SPATA16: variants seen among roughly 807,000 people sequenced by gnomAD.
The protein encoded by SPATA16 is spermatogenesis associated 16, also known as spermatogenesis-associated protein 16.
SPATA16 carries 36 observed loss-of-function variants against 63.3 expected under a neutral mutation model. That is an observed-to-expected ratio of 0.57 (90% CI 0.44 to 0.75). The LOEUF (loss-of-function observed/expected upper bound fraction) is 0.75, where lower values mean the gene tolerates loss of function less well. Ranked by LOEUF, SPATA16 falls within the 30% of genes least tolerant of loss-of-function variation. The pLI is 0.00. For synonymous variants in SPATA16, 203 were observed against 216.7 expected (o/e 0.94, Z 0.56); for missense variants, 646 against 679.3 (o/e 0.95, Z 0.54).
At chr3:172,952,436 T>A (rs1322154966) in intron 6 of SPATA16, among the ~76,000 whole-genome samples, 1 of 152,158 alleles carries the variant, frequency 6.6e-6, no homozygotes, top group African/African-American at 2.4e-5. Flanking sequence ...GGAATCTACC[T>A]TCTTTTGTTT....
chr3:173,119,373 T>C (rs1260989794), intron 1 of SPATA16, among the ~76,000 whole-genome samples: 2 of 152,174 alleles, frequency 1.3e-5, no homozygotes, highest in Non-Finnish European at 2.9e-5. Flanking sequence ...GATTTTTAAG[T>C]AAAGGGAGAA....
chr3:172,894,124 A>G (rs1462210583), intron 10 of SPATA16, among the ~76,000 whole-genome samples: 1 of 152,140 alleles, frequency 6.6e-6, no homozygotes, highest in Non-Finnish European at 1.5e-5. Context: ...CAGACATTTC[A>G]CTCCACCACA....
chr3:172,965,304 A>G (rs547956472), intron 5 of SPATA16, among the ~76,000 whole-genome samples: 1 of 152,320 alleles, frequency 6.6e-6, no homozygotes, highest in East Asian at 1.9e-4. Context: ...CTTGTAAATG[A>G]TGTTTACAGC....
intron 10 of SPATA16, among the ~76,000 whole-genome samples, chr3:172,898,032 T>C (rs1003719805): frequency 2.6e-5 from 4 of 152,058 alleles, no homozygotes; most frequent in African/African-American, 7.2e-5. Flanking sequence ...TTTTCTTCTG[T>C]AATCTGTTTA....
At chr3:172,912,804 G>C (rs1350051941) in intron 10 of SPATA16, among the ~76,000 whole-genome samples, 2 of 151,956 alleles carry the variant, frequency 1.3e-5, no homozygotes, top group Non-Finnish European at 2.9e-5. Context: ...TTTTTAGGGA[G>C]CCAAAAGCTA....
In SPATA16 at chr3:173,067,600, T is replaced by C. The variant is rs374230696; in HGVS notation, c.613-18506A>G. Among the ~76,000 whole-genome samples the C allele has an allele frequency of 3.3e-5, 5 of 151,530 alleles. No homozygotes were observed. The South Asian group carries it at 8.4e-4, about 25-fold the overall frequency. Reference sequence around the variant, plus strand: ...CATACCCCCGAACCTAAAATGAAAGTTGGGAAAAAAAAGAAAAAAAGAAAG... The same window carrying C: ...CATACCCCCGAACCTAAAATGAAAGCTGGGAAAAAAAAGAAAAAAAGAAAG... On this transcript the variant is annotated intron_variant, in intron 2 of 10. Transcript: ENST00000351008.
intron 10 of SPATA16, among the ~76,000 whole-genome samples, chr3:172,892,739 A>G (rs1300040610): frequency 6.6e-6 from 1 of 152,200 alleles, no homozygotes; most frequent in East Asian, 1.9e-4. Flanking sequence ...AAACACAAAG[A>G]AATATGTAAG....
At chr3:173,038,008 G>A (rs1015691608) in intron 3 of SPATA16, among the ~76,000 whole-genome samples, 1 of 152,102 alleles carries the variant, frequency 6.6e-6, no homozygotes, top group Non-Finnish European at 1.5e-5. Context: ...AAGTCGAAGG[G>A]ATAGCAGAGT....
chr3:172,992,490 C>T (rs1414893754), intron 4 of SPATA16, among the ~76,000 whole-genome samples: 1 of 151,924 alleles, frequency 6.6e-6, no homozygotes, highest in Non-Finnish European at 1.5e-5. Flanking sequence ...AGAAAAAGCA[C>T]ATCCCTTAAA....
chr3:172,948,728 A>G (rs1733357279), intron 6 of SPATA16, among the ~76,000 whole-genome samples: 1 of 152,138 alleles, frequency 6.6e-6, no homozygotes, highest in Admixed American at 6.5e-5. Context: ...TCGGCTTCCA[A>G]AGTGTTGGGA....
At chr3:172,982,494 G>A (rs1414881368) in intron 4 of SPATA16, among the ~76,000 whole-genome samples, 3 of 152,126 alleles carry the variant, frequency 2.0e-5, no homozygotes, top group Non-Finnish European at 4.4e-5. Flanking sequence ...TTGCTTCCCT[G>A]CAAGGAAATG....
intron 3 of SPATA16, among the ~76,000 whole-genome samples, chr3:173,031,413 G>T (rs184670220): frequency 6.6e-6 from 1 of 150,662 alleles, no homozygotes; most frequent in Non-Finnish European, 1.5e-5. Context: ...AAAGAGGGTC[G>T]CATAGCCAGT....
chr3:173,044,187 C>A (rs1003243331), intron 3 of SPATA16, among the ~76,000 whole-genome samples: 7 of 151,990 alleles, frequency 4.6e-5, no homozygotes, highest in African/African-American at 1.4e-4. Flanking sequence ...TTTTCTCTTT[C>A]TTCTTTCTCT....
In SPATA16 at chr3:173,019,491, A is replaced by G; in HGVS notation, c.843T>C (p.Ala281=). 1.9e-6 allele frequency: 3 copies of G among 1,613,538 alleles called. No individual in the cohort carries two copies. Among genetic ancestry groups the G allele is most frequent in the Non-Finnish European group, 2.5e-6 (3 of 1,179,446 alleles). The change falls in exon 4 of 11, where the codon GCT becomes GCC. Residue 281 remains alanine (A), a synonymous_variant. Coordinates refer to ENST00000351008, the MANE Select transcript of SPATA16 (RefSeq NM_031955.6). ...VFRCLERYSE[A]ARSAMIADYM... ...AAAAGTTAAAACAAACATACCGGGCAGCCTCTGAATACCTCTCCAGACATC... is the reference window on the plus strand; with the variant it reads ...AAAAGTTAAAACAAACATACCGGGCGGCCTCTGAATACCTCTCCAGACATC...
chr3:173,137,169 C>T (rs553250336), intron 1 of SPATA16, among the ~76,000 whole-genome samples: 20 of 152,128 alleles, frequency 1.3e-4, no homozygotes, highest in Admixed American at 6.6e-5. Context: ...GGCAACACCT[C>T]CAGGTGGGAA....
chr3:173,048,877 C>T (rs1028205850), intron 3 of SPATA16, 72 bp downstream of exon 3: 1 of 1,550,804 alleles, frequency 6.4e-7, no homozygotes, highest in African/African-American at 1.4e-5. Flanking sequence ...GGAAGGTGAT[C>T]AGGCAAGCTC....
At chr3:172,931,055 C>A (rs1369014494) in intron 6 of SPATA16, among the ~76,000 whole-genome samples, 2 of 151,410 alleles carry the variant, frequency 1.3e-5, no homozygotes, top group Non-Finnish European at 2.9e-5. Flanking sequence ...AACTCCTGAC[C>A]TCAGGTGATC....
intron 5 of SPATA16, among the ~76,000 whole-genome samples, chr3:172,959,223 C>T (rs1454100535): frequency 1.3e-5 from 2 of 152,202 alleles, no homozygotes; most frequent in African/African-American, 4.8e-5. Context: ...TGACTGCTGG[C>T]AGGGTAGCTT....
chr3:172,992,803 A>C (rs557447978), intron 4 of SPATA16, among the ~76,000 whole-genome samples: 148 of 152,256 alleles, frequency 9.7e-4, no homozygotes, highest in Non-Finnish European at 1.6e-3. Context: ...TCCTCCCATC[A>C]AAGGGTTGGA....
Sources: allele counts gnomAD v4.1 joint callset (sites outside exome capture counted in the v4.1 genomes callset), GRCh38; gene constraint gnomAD v4.1.1; transcripts MANE v1.5; gene names NCBI Gene and HGNC (gene_info 2026-07-23, HGNC 2026-07-21).